The following NAPEPLD variants were observed in gnomAD, a reference collection of about 807,000 sequenced individuals.
NAPEPLD encodes the protein N-acyl-phosphatidylethanolamine-hydrolyzing phospholipase D.
NAPEPLD carries 23 observed loss-of-function variants against 38.1 expected under a neutral mutation model. That is an observed-to-expected ratio of 0.60 (90% CI 0.43 to 0.86). The LOEUF (loss-of-function observed/expected upper bound fraction) is 0.86, where lower values mean the gene tolerates loss of function less well. Among genes scored for constraint, NAPEPLD ranks in the 40% least tolerant of loss-of-function variants. The pLI is 0.00. For missense variants in NAPEPLD, 411 were observed against 476.8 expected (o/e 0.86, Z 1.28); for synonymous variants, 147 against 162.0 (o/e 0.91, Z 0.71).
rs554467599 is a variant in NAPEPLD at position 103,134,096 on chromosome 7, T to G, written c.-16-5304A>C. On this transcript the variant is annotated intron_variant, in intron 1 of 4. Coordinates refer to ENST00000465647, the MANE Select transcript of NAPEPLD (RefSeq NM_001122838.3). Reference sequence around the variant, plus strand: ...TATAGTGATATCAGTGGTGTTAAAATGTGAATAAAATGTCTATCTCAAAAT... The same window carrying G: ...TATAGTGATATCAGTGGTGTTAAAAGGTGAATAAAATGTCTATCTCAAAAT... Among the ~76,000 whole-genome samples the G allele has an allele frequency of 7.2e-5, 11 of 152,326 alleles. No individual in the cohort carries two copies. In the South Asian group the frequency reaches 1.9e-3, roughly 26 times the overall value.
chr7:103,128,376 T>C, intron 2 of NAPEPLD, 107 bp downstream of exon 2: 1 of 1,333,602 alleles, frequency 7.5e-7, no homozygotes, highest in Non-Finnish European at 1.0e-6. Context: ...CTATCCACTT[T>C]ATCTCCTCAG....
intron 1 of NAPEPLD, among the ~76,000 whole-genome samples, chr7:103,132,105 T>C (rs1809080466): frequency 6.6e-6 from 1 of 152,134 alleles, no homozygotes; most frequent in African/African-American, 2.4e-5. Context: ...ACAACTCTGA[T>C]AGCAGGATTA....
chr7:103,119,867 G>T lies in NAPEPLD; in HGVS notation c.651C>A (p.Asp217Glu). 6.2e-7 allele frequency: 1 copy of T among 1,614,026 alleles called. No homozygotes were observed. The highest frequency in any genetic ancestry group is 1.3e-5 in the African/African-American group (1 of 74,894). Residue 217 changes from aspartate to glutamate, a missense_variant, in exon 3 of 5, where the codon GAC becomes GAA. Asp to Glu is a conservative substitution (Grantham distance 45, BLOSUM62 2). Coordinates refer to ENST00000465647, the MANE Select transcript of NAPEPLD (RefSeq NM_001122838.3). ...LRWFVPLGLL[D>E]WMQKCGCENV... ...TCTCACAGCCACATTTTTGCATCCA[G>T]TCAAGGAGACCCAAAGGCACAAACC...
rs1282397988 is a variant in NAPEPLD, at chr7:103,102,123, T to TA, written c.*1305dup. 1 of 150,944 alleles carries TA rather than the reference T, an allele frequency of 6.6e-6. No individual in the cohort carries two copies. Among genetic ancestry groups the TA allele is most frequent in the African/African-American group, 2.4e-5 (1 of 41,084 alleles). The allele number at this position is 150,944 out of a possible 1,614,324, so 9.4% of individuals were successfully genotyped here. A position where few individuals can be genotyped will look rare whatever the true frequency, so the allele number is the denominator to read the frequency against. On this transcript the variant is annotated 3_prime_UTR_variant, in exon 5 of 5. Coordinates refer to ENST00000465647, the MANE Select transcript of NAPEPLD (RefSeq NM_001122838.3). Reference sequence around the variant, plus strand: ...TAAAAAAAATTATAAATCTGATTGATATATTTAGAGCTAAGAGACTCCAGG... The same window carrying TA: ...TAAAAAAAATTATAAATCTGATTGATAATATTTAGAGCTAAGAGACTCCAGG...
chr7:103,147,601 C>T (rs1359653236), intron 1 of NAPEPLD, among the ~76,000 whole-genome samples: 4 of 152,160 alleles, frequency 2.6e-5, no homozygotes, highest in Non-Finnish European at 5.9e-5. Context: ...TAACATAATA[C>T]CCCTTTCGAA....
intron 1 of NAPEPLD, chr7:103,141,796 C>T: frequency 1.1e-6 from 1 of 879,096 alleles, no homozygotes; most frequent in East Asian, 2.4e-5. Flanking sequence ...GGATGATCAG[C>T]CCATCTTTGA....
At chr7:103,141,690 T>C (rs1811408453) in intron 1 of NAPEPLD, 6 of 912,316 alleles carry the variant, frequency 6.6e-6, no homozygotes, top group Non-Finnish European at 9.3e-6. Flanking sequence ...GCATTGGCTG[T>C]ACCCTTCCGC....
At chr7:103,117,089 T>C (rs1563352325) in intron 3 of NAPEPLD, among the ~76,000 whole-genome samples, 2 of 152,234 alleles carry the variant, frequency 1.3e-5, no homozygotes, top group Admixed American at 1.3e-4. Context: ...TGTATTCACA[T>C]TATTTACATC....
In NAPEPLD at chr7:103,119,758, A is replaced by G. The variant is rs199977727; in HGVS notation, c.760T>C (p.Trp254Arg). 3 of 1,614,158 alleles carry G rather than the reference A, an allele frequency of 1.9e-6. No individual in the cohort carries two copies. The highest frequency in any genetic ancestry group is 2.5e-6 in the Non-Finnish European group (3 of 1,180,026). The change falls in exon 3 of 5, where the codon TGG (tryptophan) becomes CGG (arginine). Residue 254 changes from tryptophan (W) to arginine (R), a missense_variant. Transcript: ENST00000465647. ...TCATCCATTAGAGTCCTTTTACACC[A>G]GTGCTGGGAAGGTGTAAAGACAAAA... ...VTFVFTPSQH[W>R]CKRTLMDDNK...
At chr7:103,110,011 T>G (rs9649256) in intron 4 of NAPEPLD, among the ~76,000 whole-genome samples, 133,200 of 152,166 alleles carry the variant, frequency 0.88, 61,036 homozygotes, top group East Asian at 1. Context: ...ATCCTAAGAC[T>G]AAACCAGGAA....
At chr7:103,124,534 G>C (rs1286518275) in intron 2 of NAPEPLD, among the ~76,000 whole-genome samples, 1 of 152,082 alleles carries the variant, frequency 6.6e-6, no homozygotes, top group Non-Finnish European at 1.5e-5. Flanking sequence ...TTGTTTACTT[G>C]AGGAAACTAA....
chr7:103,106,033 A>G (rs1171465744), intron 4 of NAPEPLD, among the ~76,000 whole-genome samples: 2 of 151,736 alleles, frequency 1.3e-5, no homozygotes, highest in African/African-American at 2.4e-5. Context: ...TGCATTTCCA[A>G]CTGAGGTACC....
chr7:103,113,998 A>G (rs1805085152), intron 4 of NAPEPLD, among the ~76,000 whole-genome samples: 2 of 151,806 alleles, frequency 1.3e-5, no homozygotes. Flanking sequence ...TCCTGGGTTC[A>G]GGCGATTCTC....
chr7:103,149,117 G>C (rs1563378906), upstream of NAPEPLD: 1 of 986,710 alleles, frequency 1.0e-6, no homozygotes, highest in Non-Finnish European at 1.2e-6. Context: ...TCCGCCCAGA[G>C]ACCGTGGAGG....
chr7:103,120,031 T>C lies in NAPEPLD; in HGVS notation c.487A>G (p.Lys163Glu), dbSNP rs1585852861. The C allele has an allele frequency of 2.5e-6, 4 of 1,614,212 alleles. No individual in the cohort carries two copies. Among genetic ancestry groups the C allele is most frequent in the Non-Finnish European group, 3.4e-6 (4 of 1,180,046 alleles). Residue 163 changes from lysine to glutamate, a missense_variant, in exon 3 of 5, where the codon AAG becomes GAG. Lys to Glu is a moderately conservative substitution (Grantham distance 56). Coordinates refer to ENST00000465647, the MANE Select transcript of NAPEPLD (RefSeq NM_001122838.3). ...GTGCACGGGGAACGACGAAATCGCT[T>C]TGGACCCATGTACTGCGATGGTGAA... ...RASPSQYMGP[K>E]RFRRSPCTIS...
chr7:103,129,229 C>CACAAACAA, intron 1 of NAPEPLD: 3 of 841,226 alleles, frequency 3.6e-6, no homozygotes, highest in Non-Finnish European at 4.3e-6. Context: ...CACGCCATTG[C>CACAAACAA]ACAAACAAAC....
At chr7:103,133,943 G>A (rs1315087363) in intron 1 of NAPEPLD, among the ~76,000 whole-genome samples, 5 of 152,132 alleles carry the variant, frequency 3.3e-5, no homozygotes, top group African/African-American at 1.2e-4. Context: ...TTCTGAAAGA[G>A]CAATCTAAAC....
chr7:103,121,560 T>G (rs928560036), intron 2 of NAPEPLD, among the ~76,000 whole-genome samples: 12 of 152,224 alleles, frequency 7.9e-5, no homozygotes, highest in African/African-American at 2.7e-4. Context: ...TAAGATTTCA[T>G]GATACTTCTC....
intron 4 of NAPEPLD, among the ~76,000 whole-genome samples, chr7:103,106,811 G>A (rs887397216): frequency 1.3e-5 from 2 of 152,162 alleles, no homozygotes; most frequent in Non-Finnish European, 2.9e-5. Context: ...GGGAAGGGGT[G>A]CTGTGGGCGC....
Sources: gnomAD v4.1 joint callset for allele counts (sites outside exome capture counted in the v4.1 genomes callset) on GRCh38, gnomAD v4.1.1 for gene constraint, MANE v1.5 for transcripts, NCBI Gene and HGNC (gene_info 2026-07-23, HGNC 2026-07-21) for gene names.